The following LRP1B variants were observed in gnomAD, a reference collection of about 807,000 sequenced individuals.
LRP1B encodes low-density lipoprotein receptor-related protein 1B.
A neutral mutation model predicts 556.6 loss-of-function variants in LRP1B; 217 were observed. The ratio of observed to expected loss-of-function variants is 0.39; its 90% CI spans 0.35 to 0.44. The LOEUF (loss-of-function observed/expected upper bound fraction) is 0.44. Among genes scored for constraint, LRP1B ranks in the 20% least tolerant of loss-of-function variants. The pLI is 1.00. For missense variants in LRP1B, 5,053 were observed against 5,620.8 expected, an observed-to-expected ratio of 0.90 and a Z score of 3.23; for synonymous variants, 2,047 against 1,865.8, an observed-to-expected ratio of 1.10 and a Z score of -2.50.
chr2:140,286,245 G>A (rs1683145929), intron 84 of LRP1B, among the ~76,000 whole-genome samples: 1 of 151,802 alleles, frequency 6.6e-6, no homozygotes. Flanking sequence ...CCCTAAGCAA[G>A]TTATAAATTT....
At chr2:140,519,245 A>G (rs184730150) in intron 49 of LRP1B, among the ~76,000 whole-genome samples, 1 of 152,230 alleles carries the variant, frequency 6.6e-6, no homozygotes. Context: ...ACAGCATGAT[A>G]CTGGTAACAA....
At chr2:141,569,909 T>G (rs571589258) in intron 2 of LRP1B, among the ~76,000 whole-genome samples, 4 of 151,330 alleles carry the variant, frequency 2.6e-5, no homozygotes, top group Admixed American at 2.6e-4. Flanking sequence ...ACATATGTCC[T>G]TACAGATGGC....
chr2:141,510,213 C>CACAA (rs1247203583), intron 2 of LRP1B, among the ~76,000 whole-genome samples: 3 of 150,646 alleles, frequency 2.0e-5, no homozygotes, highest in African/African-American at 7.3e-5. Context: ...CACACACACA[C>CACAA]ACACACACAC....
intron 37 of LRP1B, among the ~76,000 whole-genome samples, chr2:140,713,809 A>G (rs1346907409): frequency 2.0e-5 from 3 of 152,054 alleles, no homozygotes; most frequent in Non-Finnish European, 4.4e-5. Context: ...TATAATATAT[A>G]CCTACCCCAT....
intron 3 of LRP1B, among the ~76,000 whole-genome samples, chr2:141,304,416 C>A (rs1178614141): frequency 6.7e-6 from 1 of 149,568 alleles, no homozygotes; most frequent in Non-Finnish European, 1.5e-5. Flanking sequence ...AGTTTCATGT[C>A]TCTAAGACAT....
intron 37 of LRP1B, among the ~76,000 whole-genome samples, chr2:140,709,763 AC>A (rs111666491): frequency 0.16 from 24,545 of 152,036 alleles, 2,044 homozygotes; most frequent in South Asian, 0.2. Flanking sequence ...AAAGTACTGT[AC>A]TTTATTCCTA....
intron 1 of LRP1B, among the ~76,000 whole-genome samples, chr2:142,108,095 C>G (rs1706821332): frequency 1.3e-5 from 2 of 150,914 alleles, no homozygotes; most frequent in Admixed American, 1.3e-4. Flanking sequence ...ATCTTAATGG[C>G]TCCAAAAAGT....
chr2:141,325,381 T>A (rs1421750920), intron 3 of LRP1B, among the ~76,000 whole-genome samples: 1 of 152,132 alleles, frequency 6.6e-6, no homozygotes, highest in Non-Finnish European at 1.5e-5. Flanking sequence ...AAATATATTT[T>A]TAAATAATTT....
intron 1 of LRP1B, among the ~76,000 whole-genome samples, chr2:141,868,980 T>A (rs975726749): frequency 1.6e-4 from 24 of 152,142 alleles, no homozygotes; most frequent in African/African-American, 5.5e-4. Flanking sequence ...CAATCAAGTC[T>A]TAATTAGCAG....
chr2:140,420,851 T>C lies in LRP1B; in HGVS notation c.10414+21653A>G, dbSNP rs142054121. Among the ~76,000 whole-genome samples, 338 of 152,204 alleles carry C rather than the reference T, an allele frequency of 2.2e-3. 1 individual carries two copies. Among genetic ancestry groups the C allele is most frequent in the African/African-American group, 7.5e-3 (312 of 41,518 alleles). ...ATGGAGGCAGGGGTGCAGGAAGCAG[T>C]GGGAGGGAAATTTCTAGAGGTGATA... On this transcript the variant is annotated intron_variant, in intron 66 of 90. Coordinates refer to ENST00000389484, the MANE Select transcript of LRP1B (RefSeq NM_018557.3).
chr2:141,372,646 T>C (rs975873935), intron 3 of LRP1B, among the ~76,000 whole-genome samples: 19 of 152,196 alleles, frequency 1.2e-4, no homozygotes, highest in African/African-American at 4.6e-4. Context: ...ATTTCCTCTA[T>C]CTTTTCTAGT....
chr2:141,028,283 A>G (rs1423305124), intron 11 of LRP1B, among the ~76,000 whole-genome samples: 1 of 151,670 alleles, frequency 6.6e-6, no homozygotes, highest in Non-Finnish European at 1.5e-5. Context: ...CAGTAAAAGT[A>G]TAAGAGGTAT....
At chr2:142,010,582 A>T (rs1702929812) in intron 1 of LRP1B, among the ~76,000 whole-genome samples, 1 of 150,916 alleles carries the variant, frequency 6.6e-6, no homozygotes, top group Non-Finnish European at 1.5e-5. Context: ...AAAAAAAAGA[A>T]AGAAATCATG....
chr2:140,261,698 G>T (rs188392894), intron 86 of LRP1B, among the ~76,000 whole-genome samples: 1 of 151,430 alleles, frequency 6.6e-6, no homozygotes, highest in Non-Finnish European at 1.5e-5. Context: ...AACATGCAAT[G>T]CTGTTTGTAA....
intron 3 of LRP1B, among the ~76,000 whole-genome samples, chr2:141,346,783 G>A (rs543836845): frequency 3.4e-4 from 52 of 152,100 alleles, no homozygotes; most frequent in Middle Eastern, 6.8e-3. Context: ...AATAGATGTT[G>A]GATTAATTTC....
intron 19 of LRP1B, among the ~76,000 whole-genome samples, chr2:140,951,345 A>G (rs1177930163): frequency 1.3e-5 from 2 of 152,186 alleles, no homozygotes; most frequent in Non-Finnish European, 2.9e-5. Flanking sequence ...GGAAAATTAG[A>G]TCAAATTAAA....
chr2:141,851,719 C>T (rs1341297534), intron 1 of LRP1B, among the ~76,000 whole-genome samples: 5 of 151,494 alleles, frequency 3.3e-5, no homozygotes, highest in Admixed American at 2.0e-4. Context: ...CAATTAAGTC[C>T]CCGAGAGTAA....
intron 1 of LRP1B, among the ~76,000 whole-genome samples, chr2:141,912,874 A>G (rs1699940489): frequency 6.6e-6 from 1 of 152,188 alleles, no homozygotes; most frequent in Admixed American, 6.5e-5. Flanking sequence ...TTGCCTTTTC[A>G]TAATTCACTA....
chr2:140,751,151 C>A (rs979787358), intron 35 of LRP1B, among the ~76,000 whole-genome samples: 1 of 152,010 alleles, frequency 6.6e-6, no homozygotes, highest in African/African-American at 2.4e-5. Flanking sequence ...TGCCATCATG[C>A]CTGGCTAATT....
Sources: allele counts gnomAD v4.1 joint callset (sites outside exome capture counted in the v4.1 genomes callset), GRCh38; gene constraint gnomAD v4.1.1; transcripts MANE v1.5; gene names NCBI Gene and HGNC (gene_info 2026-07-23, HGNC 2026-07-21).